Variants in PLSCR2 observed in about 807,000 individuals in gnomAD.
PLSCR2 encodes PL scramblase 2.
Under a neutral mutation model 25.3 loss-of-function variants are expected in PLSCR2, and 18 were observed. The observed-to-expected ratio is 0.71, with a 90% CI of 0.49 to 1.06. PLSCR2 has a LOEUF of 1.06. PLSCR2 is among the 50% of genes least tolerant of loss of function. PLSCR2 has a pLI of 0.00. For missense variants in PLSCR2, 243 were observed against 269.5 expected (o/e 0.90, Z 0.69); for synonymous variants, 88 against 87.3 (o/e 1.01, Z -0.04).
chr3:146,486,380 A>G (rs2043341798), intron 1 of PLSCR2, among the ~76,000 whole-genome samples: 1 of 125,972 alleles, frequency 7.9e-6, no homozygotes, highest in Non-Finnish European at 1.7e-5. Flanking sequence ...TGAATCCAGG[A>G]GCTTTTTTTT....
intron 2 of PLSCR2, among the ~76,000 whole-genome samples, chr3:146,413,209 A>G (rs2038911245): frequency 6.6e-6 from 1 of 152,092 alleles, no homozygotes; most frequent in Non-Finnish European, 1.5e-5. Flanking sequence ...GGAAGCCTCA[A>G]AGCTCTCTGA....
At chr3:146,484,590 T>A (rs1305987271) in intron 1 of PLSCR2, among the ~76,000 whole-genome samples, 1 of 152,076 alleles carries the variant, frequency 6.6e-6, no homozygotes, top group Non-Finnish European at 1.5e-5. Flanking sequence ...ACAACAGACC[T>A]CTCAAGAGAA....
intron 1 of PLSCR2, among the ~76,000 whole-genome samples, chr3:146,481,038 C>T (rs1249385487): frequency 6.6e-6 from 1 of 152,082 alleles, no homozygotes; most frequent in South Asian, 2.1e-4. Context: ...AACAGCTCCT[C>T]ATATTAAAAA....
At chr3:146,393,925 T>C (rs1289729493) in intron 3 of PLSCR2, among the ~76,000 whole-genome samples, 5 of 152,038 alleles carry the variant, frequency 3.3e-5, no homozygotes, top group African/African-American at 9.7e-5. Flanking sequence ...AATGAAGAGA[T>C]GTGAGTAAAT....
intron 2 of PLSCR2, among the ~76,000 whole-genome samples, chr3:146,420,389 T>C (rs968762782): frequency 2.0e-5 from 3 of 152,080 alleles, no homozygotes; most frequent in Non-Finnish European, 4.4e-5. Flanking sequence ...TTAATTTTTC[T>C]ATATTTTCAA....
At chr3:146,470,352 C>G (rs181344599) in intron 1 of PLSCR2, among the ~76,000 whole-genome samples, 1 of 152,230 alleles carries the variant, frequency 6.6e-6, no homozygotes, top group Admixed American at 6.5e-5. Context: ...CAAGACCAGC[C>G]TGGACAACAT....
chr3:146,455,326 C>T, exon 4 of PLSCR2: 1 of 1,613,950 alleles, frequency 6.2e-7, no homozygotes, highest in Non-Finnish European at 8.5e-7. Context: ...TATCAGTAAT[C>T]CTCAAGGTAA....
At chr3:146,453,849 A>C (rs1576664323) in intron 5 of PLSCR2, among the ~76,000 whole-genome samples, 153 bp downstream of exon 5, 1 of 152,148 alleles carries the variant, frequency 6.6e-6, no homozygotes, top group African/African-American at 2.4e-5. Context: ...GTCAGTAATA[A>C]CCTCCACTCT....
At chr3:146,427,363 C>T (rs1318341783) in intron 2 of PLSCR2, among the ~76,000 whole-genome samples, 1 of 152,094 alleles carries the variant, frequency 6.6e-6, no homozygotes, top group African/African-American at 2.4e-5. Context: ...TGAAAGAGAG[C>T]TACATGGAGG....
At chr3:146,493,648 A>G (rs542548751) in intron 1 of PLSCR2, among the ~76,000 whole-genome samples, 15 of 152,142 alleles carry the variant, frequency 9.9e-5, no homozygotes, top group Non-Finnish European at 1.8e-4. Context: ...AATAAGAGCC[A>G]TCTATGACAA....
intron 1 of PLSCR2, among the ~76,000 whole-genome samples, chr3:146,487,591 A>C (rs1372618939): frequency 6.6e-6 from 1 of 152,164 alleles, no homozygotes; most frequent in Non-Finnish European, 1.5e-5. Context: ...AGAGAATAAA[A>C]TACCTAGAAA....
intron 5 of PLSCR2, 92 bp from the exon 6 acceptor site, chr3:146,449,459 T>C: frequency 1.2e-6 from 1 of 825,158 alleles, no homozygotes; most frequent in Non-Finnish European, 1.9e-6. Flanking sequence ...GGAAATATTA[T>C]AGTACATTTA....
intron 1 of PLSCR2, among the ~76,000 whole-genome samples, chr3:146,470,722 T>C (rs2042084701): frequency 6.6e-6 from 1 of 151,706 alleles, no homozygotes; most frequent in African/African-American, 2.4e-5. Flanking sequence ...AAAAAGGGAA[T>C]GGAAGGGAGG....
chr3:146,407,336 G>A (rs1409540262), intron 2 of PLSCR2, among the ~76,000 whole-genome samples: 1 of 152,184 alleles, frequency 6.6e-6, no homozygotes, highest in African/African-American at 2.4e-5. Context: ...CTTAACTGCT[G>A]TGCTGGAAGT....
chr3:146,490,020 C>T (rs1250223629), intron 1 of PLSCR2, among the ~76,000 whole-genome samples: 1 of 152,000 alleles, frequency 6.6e-6, no homozygotes, highest in African/African-American at 2.4e-5. Flanking sequence ...CTACTCAAGT[C>T]CAAAAATCTC....
At chr3:146,455,368 A>G (rs756139871) in exon 4 of PLSCR2, 1 of 1,612,600 alleles carries the variant, frequency 6.2e-7, no homozygotes, top group South Asian at 1.1e-5. Flanking sequence ...AATTTCGGAT[A>G]CAGAAATTAG....
At chr3:146,443,169 C>T (rs899916580) in intron 6 of PLSCR2, among the ~76,000 whole-genome samples, 1 of 152,076 alleles carries the variant, frequency 6.6e-6, no homozygotes, top group East Asian at 1.9e-4. Flanking sequence ...TTTTGACTTG[C>T]TAGTATTTTG....
At chr3:146,472,626 T>A (rs1043929659) in intron 1 of PLSCR2, among the ~76,000 whole-genome samples, 1 of 151,442 alleles carries the variant, frequency 6.6e-6, no homozygotes, top group Non-Finnish European at 1.5e-5. Context: ...CATTTTTTTT[T>A]AAAAGGTATT....
At chr3:146,486,442 AAG>A (rs1308033565) in intron 1 of PLSCR2, among the ~76,000 whole-genome samples, 2 of 151,866 alleles carry the variant, frequency 1.3e-5, no homozygotes, top group Non-Finnish European at 2.9e-5. Context: ...TAAAGAAGAA[AAG>A]AGAGAAGAAT....
Sources: allele counts gnomAD v4.1 joint callset (sites outside exome capture counted in the v4.1 genomes callset), GRCh38; gene constraint gnomAD v4.1.1; transcripts MANE v1.5; gene names NCBI Gene and HGNC (gene_info 2026-07-23, HGNC 2026-07-21).